Variants in DYNC2H1 observed in about 807,000 individuals in gnomAD.
DYNC2H1 encodes the protein dynein cytoplasmic 2 heavy chain 1.
A neutral mutation model predicts 570.0 loss-of-function variants in DYNC2H1; 410 were observed. The ratio of observed to expected loss-of-function variants is 0.72; its 90% CI spans 0.66 to 0.78. The LOEUF is 0.78. Among genes scored for constraint, DYNC2H1 ranks in the 30% least tolerant of loss-of-function variants. DYNC2H1 has a pLI of 0.00. For synonymous variants in DYNC2H1, 1,688 were observed against 1,677.6 expected (o/e 1.01, Z -0.15); for missense variants, 4,865 against 5,046.4 (o/e 0.96, Z 1.09).
At chr11:103,148,403 C>T in intron 19 of DYNC2H1, 87 bp from the exon 20 acceptor site, 1 of 1,380,510 alleles carries the variant, frequency 7.2e-7, no homozygotes, top group Non-Finnish European at 9.9e-7. Context: ...CTGATTACTT[C>T]TACCACCCCT....
At chr11:103,137,266 A>G (rs1302956276) in intron 17 of DYNC2H1, among the ~76,000 whole-genome samples, 3 of 146,376 alleles carry the variant, frequency 2.0e-5, no homozygotes, top group Admixed American at 6.9e-5. Context: ...TTTTGTTGCC[A>G]TTGCTTTTGG....
intron 85 of DYNC2H1, among the ~76,000 whole-genome samples, chr11:103,452,835 A>G (rs1199655507): frequency 3.3e-5 from 5 of 152,022 alleles, no homozygotes; most frequent in Non-Finnish European, 7.4e-5. Flanking sequence ...TTCTGAGTAA[A>G]TGAATGTAAT....
intron 85 of DYNC2H1, among the ~76,000 whole-genome samples, chr11:103,442,333 A>G (rs1322365842): frequency 6.6e-6 from 1 of 152,108 alleles, no homozygotes; most frequent in African/African-American, 2.4e-5. Context: ...TTACATCAAA[A>G]TCTTGAAATT....
At chr11:103,174,025 G>A (rs1338429981) in intron 35 of DYNC2H1, 30 bp from the exon 36 acceptor site, 1 of 1,448,612 alleles carries the variant, frequency 6.9e-7, no homozygotes, top group Admixed American at 2.0e-5. Flanking sequence ...CTAGCTATTT[G>A]ATGTGTTGAT....
At position 103,160,891 on chromosome 11, in the gene DYNC2H1, T is replaced by C. The variant is rs763631629; in HGVS notation, c.4379-41T>C. 9 of 1,192,782 alleles carry C rather than the reference T, an allele frequency of 7.5e-6. No homozygotes were observed. In the East Asian group the frequency reaches 2.1e-4, roughly 28 times the overall value. The allele number at this position is 1,192,782 out of a possible 1,614,324, so 73.9% of individuals were successfully genotyped here. On this transcript the variant is annotated intron_variant, in intron 28 of 88. Transcript: ENST00000375735. ...ACATATTGTATCTAATAATTATGTC[T>C]TTAATCCTTTTGCAATTCAATCATT...
Position 103,186,199 on chromosome 11 carries a change from C to T in DYNC2H1, c.6634-43C>T, listed in dbSNP as rs199635559. On this transcript the variant is annotated intron_variant, in intron 41 of 88. Coordinates refer to ENST00000375735, the MANE Select transcript of DYNC2H1 (RefSeq NM_001377.3). This position sits in a 1 kb window ranked among gnomAD's most constrained non-coding sequence, Gnocchi z 4.5. ...TGGAAGAATTTTAAAATGTCACACA[C>T]TCTGGAGTATGTGAAAACTTATCAC... 5 of 1,574,964 alleles carry T rather than the reference C, an allele frequency of 3.2e-6. No individual in the cohort carries two copies. The highest frequency in any genetic ancestry group is 3.5e-6 in the Non-Finnish European group (4 of 1,157,632).
At chr11:103,328,059 A>C (rs908925545) in intron 82 of DYNC2H1, among the ~76,000 whole-genome samples, 1 of 152,128 alleles carries the variant, frequency 6.6e-6, no homozygotes. Context: ...TTTACTTTTT[A>C]CTCACTCGAA....
At chr11:103,375,381 C>T (rs1328074089) in intron 83 of DYNC2H1, among the ~76,000 whole-genome samples, 1 of 152,190 alleles carries the variant, frequency 6.6e-6, no homozygotes, top group Non-Finnish European at 1.5e-5. Flanking sequence ...GGGGCACTGC[C>T]TAGTGGAGCT....
chr11:103,142,798 A>G (rs1252429444), intron 17 of DYNC2H1, among the ~76,000 whole-genome samples: 1 of 152,202 alleles, frequency 6.6e-6, no homozygotes, highest in Non-Finnish European at 1.5e-5. Context: ...GTTTAAGTAT[A>G]TCATCCCAAC....
At chr11:103,372,718 C>G (rs567778475) in intron 83 of DYNC2H1, among the ~76,000 whole-genome samples, 2 of 151,984 alleles carry the variant, frequency 1.3e-5, no homozygotes, top group African/African-American at 2.4e-5. Flanking sequence ...TTTGCTGTGT[C>G]CTTCTCTGGT....
intron 68 of DYNC2H1, among the ~76,000 whole-genome samples, chr11:103,257,288 TC>T (rs1424495785): frequency 6.6e-6 from 1 of 152,162 alleles, no homozygotes; most frequent in Non-Finnish European, 1.5e-5. Context: ...ATCTTGGACT[TC>T]CCAGCTTCCA....
At position 103,115,179 on chromosome 11, in the gene DYNC2H1, A is replaced by T. The variant is rs1358807412; in HGVS notation, c.505A>T (p.Ile169Phe). ...TTTTCCCCTCTTGACTTTTATAGGT[A>T]TCCTTACACCAAGCGATGAGTTCCA... is the stretch of plus-strand genomic sequence containing the variant. ...LKFKEDDTRG[I>F]LTPSDEFQFW... The change falls in exon 4 of 89, where the codon ATC becomes TTC. Residue 169 changes from isoleucine to phenylalanine, a missense_variant and splice_region_variant. Physicochemically the swap from Ile to Phe is conservative, Grantham distance 21. Transcript: ENST00000375735. 6.2e-7 allele frequency: 1 copy of T among 1,605,264 alleles called. No homozygotes were observed. The highest frequency in any genetic ancestry group is 1.7e-5 in the Admixed American group (1 of 59,120).
chr11:103,215,727 G>A lies in DYNC2H1; in HGVS notation c.8701G>A (p.Val2901Ile), dbSNP rs376406044. 19 of 1,605,586 alleles carry A rather than the reference G, an allele frequency of 1.2e-5. No individual in the cohort carries two copies. The highest frequency in any genetic ancestry group is 1.0e-4 in the Admixed American group (6 of 58,742). ...LKRQSHLQAG[V>I]SKLNEAKALV... The stretch of plus-strand genomic sequence containing the variant: ...CAATATTTTATTGATGTAGGCTGGT[G>A]TATCTAAACTAAATGAAGCTAAAGC... The change falls in exon 55 of 89, where the codon GTA (valine) becomes ATA (isoleucine). Residue 2901 changes from valine to isoleucine, a missense_variant. Physicochemically the swap from Val to Ile is conservative, Grantham distance 29. This residue lies in a region of DYNC2H1 where 2,401 missense variants were observed against 2,454.6 expected (regional missense o/e 0.98). Transcript: ENST00000375735.
intron 83 of DYNC2H1, among the ~76,000 whole-genome samples, chr11:103,361,442 A>C (rs2253029): frequency 0.68 from 102,997 of 152,040 alleles, 34,973 homozygotes; most frequent in Admixed American, 0.73. Context: ...TGTTTATAAG[A>C]CACCTAGTTT....
At chr11:103,306,579 A>G (rs1867293588) in intron 77 of DYNC2H1, among the ~76,000 whole-genome samples, 1 of 152,118 alleles carries the variant, frequency 6.6e-6, no homozygotes, top group South Asian at 2.1e-4. Context: ...TAAACTTTAC[A>G]TTTTAAAGTT....
chr11:103,353,142 G>A (rs1382072100), intron 82 of DYNC2H1, among the ~76,000 whole-genome samples: 2 of 152,288 alleles, frequency 1.3e-5, no homozygotes, highest in East Asian at 1.9e-4. Context: ...CACAGGGCCT[G>A]TCAGGACTTG....
chr11:103,397,021 T>C (rs548099908), intron 83 of DYNC2H1, among the ~76,000 whole-genome samples: 1 of 152,284 alleles, frequency 6.6e-6, no homozygotes, highest in South Asian at 2.1e-4. Context: ...TAGTGCACAT[T>C]GTACTTCATA....
rs762604608 is a variant in DYNC2H1, at chr11:103,220,665, C to T, written c.8989C>T (p.Pro2997Ser). 29 of 1,612,168 alleles carry T rather than the reference C, an allele frequency of 1.8e-5. 1 individual carries two copies. In the South Asian group the frequency reaches 2.9e-4, roughly 16 times the overall value. Residue 2997 changes from proline to serine, a missense_variant, in exon 57 of 89, where the codon CCC becomes TCC. By Grantham distance (74) the Pro-to-Ser change is moderately conservative. Transcript: ENST00000375735. ...EAKLAVGNIK[P>S]ESLSEIRSLR... ...TAAACTAGCAGTTGGAAACATTAAG[C>T]CCGAATCACTTTCAGAAATTCGCTC...
intron 36 of DYNC2H1, among the ~76,000 whole-genome samples, chr11:103,175,947 T>TATTAGTGATA (rs1271279318): frequency 1.3e-5 from 2 of 152,302 alleles, no homozygotes; most frequent in East Asian, 3.9e-4. Context: ...GGTGAAGTAC[T>TATTAGTGATA]ATGCAAATAT....
Sources: allele counts gnomAD v4.1 joint callset (sites outside exome capture counted in the v4.1 genomes callset), GRCh38; gene constraint gnomAD v4.1.1; regional missense constraint gnomAD v4.1.1; non-coding constraint Gnocchi (gnomAD v3.1); transcripts MANE v1.5; gene names NCBI Gene and HGNC (gene_info 2026-07-23, HGNC 2026-07-21).